MCUB: variants seen among roughly 807,000 people sequenced by gnomAD.
MCUB encodes mitochondrial calcium uniporter dominant negative subunit beta, also known as calcium uniporter regulatory subunit MCUb, mitochondrial.
Under a neutral mutation model 41.4 loss-of-function variants are expected in MCUB, and 46 were observed. That is an observed-to-expected ratio of 1.11 (90% CI 0.88 to 1.42). MCUB has a LOEUF of 1.42. MCUB is among the 40% of genes most tolerant of loss of function. The probability of loss-of-function intolerance (pLI) is 0.00; values close to 1 mark genes in which losing one functional copy is unlikely to be tolerated. For synonymous variants in MCUB, 148 were observed against 148.2 expected (o/e 1.00, Z 0.01); for missense variants, 403 against 404.9 (o/e 1.00, Z 0.04).
At chr4:109,636,961 T>C (rs954114359) in intron 1 of MCUB, among the ~76,000 whole-genome samples, 1 of 152,066 alleles carries the variant, frequency 6.6e-6, no homozygotes, top group Non-Finnish European at 1.5e-5. Context: ...CTTCTGAGAG[T>C]AATTTTAGTG....
chr4:109,673,335 T>G (rs943740131), intron 4 of MCUB, among the ~76,000 whole-genome samples: 1 of 152,194 alleles, frequency 6.6e-6, no homozygotes, highest in Non-Finnish European at 1.5e-5. Context: ...CCATAAGCCT[T>G]AGGTCTAAGT....
intron 4 of MCUB, among the ~76,000 whole-genome samples, chr4:109,679,741 A>G (rs1190493448): frequency 1.3e-5 from 2 of 152,238 alleles, no homozygotes; most frequent in Non-Finnish European, 2.9e-5. Flanking sequence ...CAGTTACTTT[A>G]GAAAGCTTGC....
At chr4:109,582,515 T>TA (rs1400037736) in intron 1 of MCUB, among the ~76,000 whole-genome samples, 1 of 145,620 alleles carries the variant, frequency 6.9e-6, no homozygotes, top group Non-Finnish European at 1.5e-5. Context: ...CCCTAAAACT[T>TA]AAAGTATAAT....
chr4:109,584,771 G>A (rs1260122961), intron 1 of MCUB, among the ~76,000 whole-genome samples: 2 of 152,202 alleles, frequency 1.3e-5, no homozygotes, highest in Admixed American at 6.5e-5. Flanking sequence ...TTTTGAATGA[G>A]TTTCTTAATC....
chr4:109,647,706 A>G (rs1728869243), intron 1 of MCUB, among the ~76,000 whole-genome samples: 1 of 151,152 alleles, frequency 6.6e-6, no homozygotes, highest in Non-Finnish European at 1.5e-5. Flanking sequence ...CAGGGACCAC[A>G]TGGAGATTAA....
chr4:109,677,861 G>A (rs931126431), intron 4 of MCUB, among the ~76,000 whole-genome samples: 11 of 130,640 alleles, frequency 8.4e-5, no homozygotes, highest in African/African-American at 2.5e-4. Flanking sequence ...GGTGTTTCTC[G>A]GAGAGGGGGA....
At chr4:109,560,467 G>C in intron 1 of MCUB, 31 bp downstream of exon 1, 1 of 1,061,120 alleles carries the variant, frequency 9.4e-7, no homozygotes. Flanking sequence ...GTGGGGGTTC[G>C]GGGTAGGCTG....
At chr4:109,608,784 A>G (rs1727936679) in intron 1 of MCUB, among the ~76,000 whole-genome samples, 1 of 152,178 alleles carries the variant, frequency 6.6e-6, no homozygotes, top group Admixed American at 6.5e-5. Flanking sequence ...TAAAGGCATG[A>G]GCCACCATAC....
At chr4:109,664,202 A>C (rs1729292806) in intron 3 of MCUB, 88 bp from the exon 4 acceptor site, 1 of 728,532 alleles carries the variant, frequency 1.4e-6, no homozygotes, top group Non-Finnish European at 2.5e-6. Context: ...TATTGTAAAG[A>C]CCTGGGTTAG....
intron 1 of MCUB, among the ~76,000 whole-genome samples, chr4:109,576,918 C>G (rs197204): frequency 0.52 from 78,555 of 151,904 alleles, 20,937 homozygotes; most frequent in South Asian, 0.66. Flanking sequence ...GTGGCGCAAT[C>G]TCGCCTCACT....
intron 3 of MCUB, among the ~76,000 whole-genome samples, chr4:109,661,196 T>A (rs1353506187): frequency 1.3e-5 from 2 of 152,222 alleles, no homozygotes; most frequent in African/African-American, 4.8e-5. Flanking sequence ...AGCTTTCATG[T>A]TCTCATAGTC....
rs146160577 is a variant in MCUB at position 109,684,521 on chromosome 4, C to G, written c.691C>G (p.Gln231Glu). The change falls in exon 6 of 8, where the codon CAG (glutamine) becomes GAG (glutamate). Residue 231 changes from glutamine to glutamate, a missense_variant. Physicochemically the swap from Gln to Glu is conservative, Grantham distance 29. Coordinates refer to ENST00000394650, the MANE Select transcript of MCUB (RefSeq NM_017918.5). Reference sequence around the variant, plus strand: ...GGCTGGATTGGCACTGCTGTCCATTCAGGGTGGGGCACTGGCCTGGCTCAC... The same window carrying G: ...GGCTGGATTGGCACTGCTGTCCATTGAGGGTGGGGCACTGGCCTGGCTCAC... ...LWAGLALLSI[Q>E]GGALAWLTWW... is the part of the protein sequence containing the mutation. The G allele has an allele frequency of 3.7e-6, 6 of 1,613,748 alleles. No individual in the cohort carries two copies. In the African/African-American group the frequency reaches 8.0e-5, roughly 22 times the overall value.
chr4:109,590,791 A>G (rs1727418293), intron 1 of MCUB, among the ~76,000 whole-genome samples: 1 of 152,166 alleles, frequency 6.6e-6, no homozygotes, highest in South Asian at 2.1e-4. Context: ...ATAAAGTGTT[A>G]TCATAATCTT....
chr4:109,671,525 G>A (rs1389244957), intron 4 of MCUB, among the ~76,000 whole-genome samples: 2 of 152,032 alleles, frequency 1.3e-5, no homozygotes, highest in East Asian at 3.9e-4. Context: ...GCCCATCAAA[G>A]GCATTCTTCA....
intron 1 of MCUB, among the ~76,000 whole-genome samples, chr4:109,563,876 C>A (rs757235194): frequency 6.6e-6 from 1 of 151,464 alleles, no homozygotes; most frequent in Non-Finnish European, 1.5e-5. Flanking sequence ...CGTGAGCCAC[C>A]GCGCCCAGCC....
intron 4 of MCUB, among the ~76,000 whole-genome samples, chr4:109,682,071 T>G (rs967292750): frequency 1.2e-5 from 1 of 83,752 alleles, no homozygotes; most frequent in Non-Finnish European, 2.6e-5. Flanking sequence ...TTTTAGTGAG[T>G]TCTCTGGTTG....
chr4:109,684,569 A>G lies in MCUB; in HGVS notation c.739A>G (p.Ile247Val), dbSNP rs1207211187. 6.2e-7 allele frequency: 1 copy of G among 1,605,376 alleles called. No individual in the cohort carries two copies. Among genetic ancestry groups the G allele is most frequent in the Non-Finnish European group, 8.5e-7 (1 of 1,172,054 alleles). The change falls in exon 6 of 8, where the codon ATC becomes GTC. Residue 247 changes from isoleucine to valine, a missense_variant. By Grantham distance (29) the Ile-to-Val change is conservative (BLOSUM62 3). Coordinates refer to ENST00000394650, the MANE Select transcript of MCUB (RefSeq NM_017918.5). Reference protein sequence around the residue: ...WLTWWVYSWDIMEPVTYFITF... With the variant: ...WLTWWVYSWDVMEPVTYFITF... The stretch of plus-strand genomic sequence containing the variant: ...CACGTGGTGGGTGTACTCCTGGGAT[A>G]TCATGGAGCCAGTTACATACTTCAT...
intron 1 of MCUB, among the ~76,000 whole-genome samples, chr4:109,604,297 G>C (rs867055987): frequency 2.4e-3 from 245 of 101,274 alleles, no homozygotes; most frequent in African/African-American, 7.1e-3. Context: ...CTTTGTTCAC[G>C]TGTCTGCTGA....
intron 4 of MCUB, among the ~76,000 whole-genome samples, chr4:109,681,777 G>C (rs536034045): frequency 1.3e-5 from 2 of 152,342 alleles, no homozygotes; most frequent in South Asian, 4.1e-4. Context: ...AAGAATGTAA[G>C]TCAGCAGCGA....
Sources: allele counts gnomAD v4.1 joint callset (sites outside exome capture counted in the v4.1 genomes callset), GRCh38; gene constraint gnomAD v4.1.1; transcripts MANE v1.5; gene names NCBI Gene and HGNC (gene_info 2026-07-23, HGNC 2026-07-21).